UBE2G2: variants seen among roughly 807,000 people sequenced by gnomAD.
The protein encoded by UBE2G2 is ubiquitin-conjugating enzyme E2 G2.
UBE2G2 carries 10 observed loss-of-function variants against 23.0 expected under a neutral mutation model. The ratio of observed to expected loss-of-function variants is 0.43; its 90% CI spans 0.27 to 0.74. The LOEUF is 0.74. Among genes scored for constraint, UBE2G2 ranks in the 30% least tolerant of loss-of-function variants. The pLI, the probability that UBE2G2 is intolerant of heterozygous loss-of-function variation, is 0.19. For synonymous variants in UBE2G2, 86 were observed against 81.3 expected (o/e 1.06, Z -0.31); for missense variants, 150 against 218.3 (o/e 0.69, Z 1.97).
chr21:44,784,639 G>A (rs876812), intron 3 of UBE2G2, among the ~76,000 whole-genome samples: 41,269 of 151,992 alleles, frequency 0.27, 6,021 homozygotes, highest in South Asian at 0.41. Flanking sequence ...GCTGTGCCCC[G>A]GACACTGGCC....
At chr21:44,800,957 G>A (rs2083131351) in intron 1 of UBE2G2, 1 of 152,218 alleles carries the variant, frequency 6.6e-6, no homozygotes, top group South Asian at 2.1e-4. Flanking sequence ...CTAACAAGCA[G>A]AGAGGCCGGG....
intron 1 of UBE2G2, chr21:44,789,125 C>T (rs1555962561): frequency 6.6e-6 from 1 of 152,136 alleles, no homozygotes. Flanking sequence ...TGGCTCACGC[C>T]TGTAATCCCA....
rs2082860359 is a variant in UBE2G2, at chr21:44,769,977, C to T, written c.*1400G>A. On this transcript the variant is annotated 3_prime_UTR_variant, in exon 6 of 6. Coordinates refer to ENST00000345496, the MANE Select transcript of UBE2G2 (RefSeq NM_003343.6). ...CTGTTATTGCTTACACTGTGGCCTC[C>T]TGGCCTGTGCTGCTCAGCTGGCCCT... 6.6e-6 allele frequency: 1 copy of T among 152,246 alleles called. No individual in the cohort carries two copies. The highest frequency in any genetic ancestry group is 2.4e-5 in the African/African-American group (1 of 41,456). The allele number at this position is 152,246 out of a possible 1,614,324, so 9.4% of individuals were successfully genotyped here.
intron 1 of UBE2G2, among the ~76,000 whole-genome samples, chr21:44,792,161 T>C (rs557525174): frequency 2.6e-5 from 4 of 152,370 alleles, no homozygotes; most frequent in African/African-American, 9.6e-5. Context: ...CAGAGGGGAC[T>C]TACCTTGTCA....
In UBE2G2 at chr21:44,797,979, T is replaced by C. The variant is rs191931783; in HGVS notation, c.43+3727A>G. Among the ~76,000 whole-genome samples the C allele has an allele frequency of 5.6e-4, 85 of 151,850 alleles. 1 individual carries two copies. Among genetic ancestry groups the C allele is most frequent in the Admixed American group, 1.4e-3 (21 of 15,250 alleles). The stretch of plus-strand genomic sequence containing the variant: ...TCACTTTCGCCAAACCCTGACAACA[T>C]AGAGGGAGGTCAAGATGAAGACAGA... On this transcript the variant is annotated intron_variant, in intron 1 of 5. Transcript: ENST00000345496.
At chr21:44,801,272 C>G (rs1225251882) in intron 1 of UBE2G2, 4 of 1,003,180 alleles carry the variant, frequency 4.0e-6, no homozygotes, top group Non-Finnish European at 4.8e-6. Flanking sequence ...AGAGGGAAAG[C>G]CAAAATCTGA....
At chr21:44,785,682 G>A (rs1048500019) in intron 3 of UBE2G2, 2 of 152,212 alleles carry the variant, frequency 1.3e-5, no homozygotes, top group African/African-American at 4.8e-5. Context: ...GCAAAGACTT[G>A]GCCAGATGTC....
At chr21:44,800,689 A>C (rs1235970604) in intron 1 of UBE2G2, 2 of 152,234 alleles carry the variant, frequency 1.3e-5, no homozygotes, top group East Asian at 3.8e-4. Flanking sequence ...GCCAAACATC[A>C]ACTCTTACTG....
At chr21:44,800,257 G>A (rs1427211792) in intron 1 of UBE2G2, 1 of 152,212 alleles carries the variant, frequency 6.6e-6, no homozygotes, top group Non-Finnish European at 1.5e-5. Flanking sequence ...GGGAAACTGA[G>A]GTGTGCCTTT....
At chr21:44,781,146 C>T (rs1555961285) in intron 3 of UBE2G2, among the ~76,000 whole-genome samples, 2 of 152,204 alleles carry the variant, frequency 1.3e-5, no homozygotes, top group Non-Finnish European at 2.9e-5. Flanking sequence ...CAAACTCATC[C>T]ATCAGTATTT....
At chr21:44,785,747 G>A (rs1163811084) in intron 3 of UBE2G2, 1 of 152,200 alleles carries the variant, frequency 6.6e-6, no homozygotes, top group East Asian at 1.9e-4. Context: ...TTCCCTAATA[G>A]GCATTTTAAG....
At chr21:44,774,533 T>C (rs1181073922) in intron 4 of UBE2G2, 2 of 267,412 alleles carry the variant, frequency 7.5e-6, no homozygotes, top group Admixed American at 1.1e-4. Context: ...CTGAATTTCA[T>C]GAAAATTCAC....
At chr21:44,774,996 G>C (rs923005574) in intron 4 of UBE2G2, 5 of 290,254 alleles carry the variant, frequency 1.7e-5, no homozygotes, top group Non-Finnish European at 3.4e-5. Flanking sequence ...CTACAGCCGA[G>C]GGCCTGCCTG....
chr21:44,780,211 A>C (rs2082945513), intron 3 of UBE2G2, among the ~76,000 whole-genome samples: 2 of 152,330 alleles, frequency 1.3e-5, no homozygotes, highest in Admixed American at 1.3e-4. Flanking sequence ...TACTGGTTTG[A>C]AACTGGGATT....
At chr21:44,798,783 G>A (rs782388803) in intron 1 of UBE2G2, among the ~76,000 whole-genome samples, 23 of 152,166 alleles carry the variant, frequency 1.5e-4, no homozygotes, top group Non-Finnish European at 2.9e-4. Flanking sequence ...AACGCCTGTT[G>A]TTGATATGGT....
chr21:44,769,973 C>G lies in UBE2G2; in HGVS notation c.*1404G>C, dbSNP rs558705985. 6.6e-6 allele frequency: 1 copy of G among 152,220 alleles called. No individual in the cohort carries two copies. The highest frequency in any genetic ancestry group is 2.1e-4 in the South Asian group (1 of 4,834). 9.4% of individuals were successfully genotyped at this position (152,220 alleles called of 1,614,324 possible). A position where few individuals can be genotyped will look rare whatever the true frequency, so the allele number is the denominator to read the frequency against. On this transcript the variant is annotated 3_prime_UTR_variant, in exon 6 of 6. Transcript: ENST00000345496. Reference sequence around the variant, plus strand: ...AGATCTGTTATTGCTTACACTGTGGCCTCCTGGCCTGTGCTGCTCAGCTGG... The same window carrying G: ...AGATCTGTTATTGCTTACACTGTGGGCTCCTGGCCTGTGCTGCTCAGCTGG...
At position 44,799,581 on chromosome 21, in the gene UBE2G2, A is replaced by T. The variant is rs987159784; in HGVS notation, c.43+2125T>A. Among the ~76,000 whole-genome samples the T allele has an allele frequency of 3.3e-5, 5 of 152,314 alleles. No homozygotes were observed. In the South Asian group the frequency reaches 1.0e-3, roughly 32 times the overall value. On this transcript the variant is annotated intron_variant, in intron 1 of 5. Transcript: ENST00000345496. Reference sequence around the variant, plus strand: ...TCCTCACTGCTCTCAGCCTTCATAAAACTGAAGAGTTAGGACCTTGCTCTG... The same window carrying T: ...TCCTCACTGCTCTCAGCCTTCATAATACTGAAGAGTTAGGACCTTGCTCTG...
intron 3 of UBE2G2, among the ~76,000 whole-genome samples, chr21:44,780,943 C>CG (rs1159622410): frequency 6.6e-6 from 1 of 152,216 alleles, no homozygotes; most frequent in African/African-American, 2.4e-5. Context: ...ATGGAGCACC[C>CG]AGGGCAAGTG....
chr21:44,782,938 A>G (rs1555961501), intron 3 of UBE2G2, among the ~76,000 whole-genome samples: 1 of 152,260 alleles, frequency 6.6e-6, no homozygotes, highest in Non-Finnish European at 1.5e-5. Context: ...ACACTTCATC[A>G]AAATTAACAA....
Sources: allele counts gnomAD v4.1 joint callset (sites outside exome capture counted in the v4.1 genomes callset), GRCh38; gene constraint gnomAD v4.1.1; transcripts MANE v1.5; gene names NCBI Gene and HGNC (gene_info 2026-07-23, HGNC 2026-07-21).